Variants in ZFP2 observed in about 807,000 individuals in gnomAD.
The protein encoded by ZFP2 is zinc finger protein ZFP2.
ZFP2 carries 33 observed loss-of-function variants against 36.1 expected under a neutral mutation model. The observed-to-expected ratio is 0.92, with a 90% CI of 0.69 to 1.22. The LOEUF (loss-of-function observed/expected upper bound fraction) is 1.22. Ranked by LOEUF, ZFP2 falls within the 50% of genes most tolerant of loss-of-function variation. The pLI, the probability that ZFP2 is intolerant of heterozygous loss-of-function variation, is 0.00. For missense variants in ZFP2, 522 were observed against 551.4 expected, an observed-to-expected ratio of 0.95 and a Z score of 0.53; for synonymous variants, 170 against 178.0, an observed-to-expected ratio of 0.96 and a Z score of 0.36.
intron 4 of ZFP2, among the ~76,000 whole-genome samples, chr5:178,925,107 T>TTATATATATATATATA (rs766110848): frequency 7.3e-5 from 8 of 110,174 alleles, no homozygotes; most frequent in East Asian, 6.6e-4. Context: ...AATTGAATCT[T>TTATATATATATATATA]TATATATATA....
chr5:178,906,881 T>A (rs1400283295), intron 1 of ZFP2, among the ~76,000 whole-genome samples: 65 of 149,330 alleles, frequency 4.4e-4, no homozygotes, highest in African/African-American at 1.4e-3. Flanking sequence ...TTTTTTTTTT[T>A]AATAAGTTTT....
chr5:178,912,803 G>T (rs1332970812), intron 2 of ZFP2, 84 bp downstream of exon 2: 4 of 987,904 alleles, frequency 4.0e-6, no homozygotes, highest in Non-Finnish European at 4.9e-6. Context: ...TGTTTGCTTG[G>T]TGTCCTCTCT....
At chr5:178,910,129 GTGCAC>G in intron 1 of ZFP2, 1 of 1,446,376 alleles carries the variant, frequency 6.9e-7, no homozygotes, top group South Asian at 1.1e-5. Context: ...CTGGAGAACC[GTGCAC>G]AGATTCTGTC....
rs372848720 is a variant in ZFP2, at chr5:178,910,256, G to A, written c.-449-2328G>A. The A allele has an allele frequency of 1.7e-5, 27 of 1,546,332 alleles. No homozygotes were observed. The East Asian group carries it at 2.0e-4, about 12-fold the overall frequency. On this transcript the variant is annotated intron_variant, in intron 1 of 4. Coordinates refer to ENST00000361362, the MANE Select transcript of ZFP2 (RefSeq NM_030613.4). ...AGAGCAGCACTCGGAATTCTGTGGG[G>A]TCGACACATAGGTCATTGCAAAAGT...
chr5:178,929,292 A>G (rs961948570), intron 4 of ZFP2, among the ~76,000 whole-genome samples: 1 of 152,194 alleles, frequency 6.6e-6, no homozygotes, highest in Non-Finnish European at 1.5e-5. Context: ...TTCCCTGAAA[A>G]TGGGCTTTTC....
Position 178,913,023 on chromosome 5 carries a change from C to G in ZFP2, c.-272C>G, listed in dbSNP as rs117333404. 1,285 of 985,844 alleles carry G rather than the reference C, an allele frequency of 1.3e-3. 24 individuals carry two copies. The East Asian group carries it at 0.057, about 44-fold the overall frequency. 61.1% of individuals were successfully genotyped at this position (985,844 alleles called of 1,614,324 possible). On this transcript the variant is annotated 5_prime_UTR_variant, in exon 3 of 5. Coordinates refer to ENST00000361362, the MANE Select transcript of ZFP2 (RefSeq NM_030613.4). ...ACCCAATGGGACTTCCCAGCTGGAACGAGAACTGAGTCTGATGCAAAAAGA... is the reference window on the plus strand; with the variant it reads ...ACCCAATGGGACTTCCCAGCTGGAAGGAGAACTGAGTCTGATGCAAAAAGA...
chr5:178,902,907 T>C (rs1001778512), intron 1 of ZFP2, among the ~76,000 whole-genome samples: 3 of 152,242 alleles, frequency 2.0e-5, no homozygotes, highest in Non-Finnish European at 4.4e-5. Flanking sequence ...CTTGGAGACC[T>C]GTCCATATCA....
chr5:178,898,422 T>TTC (rs1344531618), intron 1 of ZFP2, among the ~76,000 whole-genome samples: 3 of 152,390 alleles, frequency 2.0e-5, no homozygotes, highest in African/African-American at 7.2e-5. Context: ...TCTTTCGTCT[T>TTC]TGTATAGCTA....
At chr5:178,909,893 C>G in intron 1 of ZFP2, 2 of 1,554,342 alleles carry the variant, frequency 1.3e-6, no homozygotes, top group Non-Finnish European at 1.8e-6. Flanking sequence ...GGAACATGTT[C>G]CAAGAGTCCC....
chr5:178,930,162 C>CCCACCT (rs1758795723), intron 4 of ZFP2, among the ~76,000 whole-genome samples: 1 of 151,672 alleles, frequency 6.6e-6, no homozygotes. Context: ...CCCATAAGGC[C>CCCACCT]CCACCTCCAA....
At chr5:178,896,949 T>C (rs989222707) in intron 1 of ZFP2, among the ~76,000 whole-genome samples, 1 of 152,188 alleles carries the variant, frequency 6.6e-6, no homozygotes, top group African/African-American at 2.4e-5. Flanking sequence ...AGATTTTAAA[T>C]AGAGCTACGT....
At chr5:178,905,106 C>G (rs184141633) in intron 1 of ZFP2, among the ~76,000 whole-genome samples, 6 of 152,040 alleles carry the variant, frequency 3.9e-5, no homozygotes, top group Non-Finnish European at 8.8e-5. Flanking sequence ...TTATGAAGTT[C>G]CAACAGTAAT....
chr5:178,932,916 A>G lies in ZFP2; in HGVS notation c.*217A>G, dbSNP rs1028528539. The G allele has an allele frequency of 2.0e-5, 11 of 558,284 alleles. No homozygotes were observed. The Admixed American group carries it at 3.7e-4, about 19-fold the overall frequency. 34.6% of individuals were successfully genotyped at this position (558,284 alleles called of 1,614,324 possible). A position where few individuals can be genotyped will look rare whatever the true frequency, so the allele number is the denominator to read the frequency against. ...TTCCTTTATATCAGAAGGTTTAAAT[A>G]GCTAATATAAACAATGAAGAGTCAT... On this transcript the variant is annotated 3_prime_UTR_variant, in exon 5 of 5. Transcript: ENST00000361362.
intron 1 of ZFP2, chr5:178,909,700 A>G: frequency 6.7e-7 from 1 of 1,495,308 alleles, no homozygotes; most frequent in South Asian, 1.5e-5. Flanking sequence ...CTCCTGGGAC[A>G]GAGCCACTAA....
chr5:178,929,466 C>T (rs1758772421), intron 4 of ZFP2, among the ~76,000 whole-genome samples: 1 of 152,198 alleles, frequency 6.6e-6, no homozygotes, highest in Non-Finnish European at 1.5e-5. Context: ...ACCAGATGCC[C>T]TCAATCACCA....
rs1434389978 is a variant in ZFP2, at chr5:178,931,483, A to C, written c.170A>C (p.Gln57Pro). 1 of 1,614,192 alleles carries C rather than the reference A, an allele frequency of 6.2e-7. No individual in the cohort carries two copies. The highest frequency in any genetic ancestry group is 2.2e-5 in the East Asian group (1 of 44,878). The stretch of plus-strand genomic sequence containing the variant: ...AATGAATTTGAAAGATGTTCCAGTC[A>C]GGATTCAATCCTTGATACACAGCAA... ...GGNEFERCSSQDSILDTQQSI... is the reference protein window; with the variant it reads ...GGNEFERCSSPDSILDTQQSI... Residue 57 changes from glutamine to proline, a missense_variant, in exon 5 of 5, where the codon CAG becomes CCG. Physicochemically the swap from Gln to Pro is moderately conservative, Grantham distance 76. Transcript: ENST00000361362.
chr5:178,915,829 T>A (rs983230277), intron 3 of ZFP2: 3 of 152,136 alleles, frequency 2.0e-5, no homozygotes, highest in Non-Finnish European at 4.4e-5. Context: ...TACCCACTAA[T>A]ATGTAGGCTC....
At chr5:178,897,240 C>T (rs1320408320) in intron 1 of ZFP2, among the ~76,000 whole-genome samples, 2 of 152,090 alleles carry the variant, frequency 1.3e-5, no homozygotes, top group African/African-American at 4.8e-5. Context: ...CCAGATTTAC[C>T]CACACCAACT....
At chr5:178,900,338 C>T (rs1230823366) in intron 1 of ZFP2, among the ~76,000 whole-genome samples, 8 of 148,788 alleles carry the variant, frequency 5.4e-5, no homozygotes, top group African/African-American at 2.0e-4. Context: ...CCACGTCCCC[C>T]TCCCCAGCCA....
Sources: gnomAD v4.1 joint callset for allele counts (sites outside exome capture counted in the v4.1 genomes callset) on GRCh38, gnomAD v4.1.1 for gene constraint, MANE v1.5 for transcripts, NCBI Gene and HGNC (gene_info 2026-07-23, HGNC 2026-07-21) for gene names.